The following SORCS1 variants were observed in gnomAD, a reference collection of about 807,000 sequenced individuals.
SORCS1 encodes VPS10 domain-containing receptor SorCS1.
SORCS1 carries 60 observed loss-of-function variants against 146.1 expected under a neutral mutation model. That is an observed-to-expected ratio of 0.41 (90% confidence interval 0.33 to 0.51). SORCS1 has a LOEUF of 0.51. Among genes scored for constraint, SORCS1 ranks in the 20% least tolerant of loss-of-function variants. SORCS1 has a pLI of 0.21. For missense variants in SORCS1, 1,352 were observed against 1,487.6 expected (o/e 0.91, Z 1.50); for synonymous variants, 637 against 584.0 (o/e 1.09, Z -1.31).
chr10:106,577,621 T>C, intron 25 of SORCS1, 66 bp from the exon 26 acceptor site: 1 of 1,596,996 alleles, frequency 6.3e-7, no homozygotes, highest in Non-Finnish European at 8.5e-7. Context: ...TCAGAGACTT[T>C]GCAATGTGCT....
intron 1 of SORCS1, among the ~76,000 whole-genome samples, chr10:107,035,542 A>G (rs1312936285): frequency 6.6e-6 from 1 of 152,196 alleles, no homozygotes; most frequent in Non-Finnish European, 1.5e-5. Flanking sequence ...TGAATCAGAG[A>G]ACTATGTATA....
intron 1 of SORCS1, among the ~76,000 whole-genome samples, chr10:107,116,099 C>G (rs1966020950): frequency 6.6e-6 from 1 of 151,440 alleles, no homozygotes; most frequent in South Asian, 2.1e-4. Flanking sequence ...TGGCCATTAT[C>G]AAAAAGACAA....
In SORCS1 at chr10:106,577,330, C is replaced by G; in HGVS notation, c.*90G>C. 6.2e-7 allele frequency: 1 copy of G among 1,609,736 alleles called. No homozygotes were observed. The highest frequency in any genetic ancestry group is 8.5e-7 in the Non-Finnish European group (1 of 1,178,262). ...AACAACAAAGGAAAGAAAAAAAACA[C>G]AAAGTTAGTGGTCATGAAGGATGAT... On this transcript the variant is annotated 3_prime_UTR_variant, in exon 26 of 26. Coordinates refer to ENST00000263054, the MANE Select transcript of SORCS1 (RefSeq NM_052918.5).
intron 1 of SORCS1, among the ~76,000 whole-genome samples, chr10:107,142,408 A>G (rs1967926026): frequency 6.6e-6 from 1 of 152,184 alleles, no homozygotes; most frequent in Non-Finnish European, 1.5e-5. Context: ...AATGTTTTAA[A>G]TCCTCTTCGT....
intron 1 of SORCS1, among the ~76,000 whole-genome samples, chr10:107,106,198 T>A (rs926169121): frequency 6.6e-6 from 1 of 152,188 alleles, no homozygotes; most frequent in Admixed American, 6.5e-5. Context: ...TGAGACTCAC[T>A]CTTAAGAGTG....
rs12242718 is a variant in SORCS1, at chr10:106,854,580, C to A, written c.627-24907G>T. ...TGTGATTTTAATTGAGCATTTTATACGAATTTATTTTCTCTCCTTTCTTAG... is the reference window on the plus strand; with the variant it reads ...TGTGATTTTAATTGAGCATTTTATAAGAATTTATTTTCTCTCCTTTCTTAG... On this transcript the variant is annotated intron_variant, in intron 2 of 25. Transcript: ENST00000263054. Among the ~76,000 whole-genome samples the A allele has an allele frequency of 1.0e-3, 156 of 151,454 alleles. 1 individual carries two copies. The highest frequency in any genetic ancestry group is 3.4e-3 in the Middle Eastern group (1 of 294).
At chr10:106,620,210 A>G in intron 20 of SORCS1, 1 of 474,672 alleles carries the variant, frequency 2.1e-6, no homozygotes, top group South Asian at 4.1e-5. Flanking sequence ...GTAAACATAG[A>G]GGAAGGCAGA....
intron 24 of SORCS1, among the ~76,000 whole-genome samples, chr10:106,587,694 A>G (rs912656415): frequency 8.5e-5 from 13 of 152,254 alleles, no homozygotes; most frequent in Non-Finnish European, 1.5e-4. Context: ...AGCAGCAGCC[A>G]TAGAGGCCAA....
chr10:106,972,786 C>T (rs1251957966), intron 1 of SORCS1, among the ~76,000 whole-genome samples: 1 of 152,150 alleles, frequency 6.6e-6, no homozygotes, highest in Non-Finnish European at 1.5e-5. Flanking sequence ...CAGGTAGGGA[C>T]CTTTTCAATC....
intron 1 of SORCS1, among the ~76,000 whole-genome samples, chr10:107,027,898 C>T (rs913146507): frequency 6.6e-6 from 1 of 152,170 alleles, no homozygotes; most frequent in Non-Finnish European, 1.5e-5. Flanking sequence ...ATGTGAACAC[C>T]TTGATGGGAA....
intron 1 of SORCS1, among the ~76,000 whole-genome samples, chr10:107,137,097 C>A (rs1156300318): frequency 6.6e-6 from 1 of 152,170 alleles, no homozygotes; most frequent in Non-Finnish European, 1.5e-5. Context: ...CTCTTGGTTC[C>A]CATAAGGGTA....
intron 1 of SORCS1, among the ~76,000 whole-genome samples, chr10:106,986,398 C>G (rs1215990435): frequency 6.6e-6 from 1 of 152,000 alleles, no homozygotes; most frequent in Non-Finnish European, 1.5e-5. Flanking sequence ...ATAAAGGAAA[C>G]CATACTTAGC....
chr10:106,588,586 G>T (rs574634111), intron 24 of SORCS1, among the ~76,000 whole-genome samples: 6 of 152,176 alleles, frequency 3.9e-5, no homozygotes, highest in African/African-American at 1.4e-4. Flanking sequence ...CTGGGGCCGG[G>T]CGCGGTGGCT....
At chr10:106,584,688 CATT>C (rs536534648) in intron 24 of SORCS1, among the ~76,000 whole-genome samples, 136 of 152,292 alleles carry the variant, frequency 8.9e-4, no homozygotes, top group African/African-American at 3.1e-3. Context: ...ATTAATGAAT[CATT>C]GTTTGCCCAA....
chr10:106,824,207 G>T (rs1349340743), intron 3 of SORCS1, among the ~76,000 whole-genome samples: 1 of 151,856 alleles, frequency 6.6e-6, no homozygotes, highest in African/African-American at 2.4e-5. Context: ...AGGAGGCTGA[G>T]GCAGAAGGAT....
chr10:106,797,560 G>T (rs1359877891), intron 3 of SORCS1, among the ~76,000 whole-genome samples: 2 of 151,728 alleles, frequency 1.3e-5, no homozygotes, highest in Non-Finnish European at 2.9e-5. Context: ...AAAAACAGAG[G>T]GTAGAAACAA....
chr10:106,757,470 A>C lies in SORCS1; in HGVS notation c.959+4118T>G, dbSNP rs753571789. Reference sequence around the variant, plus strand: ...TAATTTGAAGTAACTGGTTTCCAGAAGTGAGTCTAATAAATATTGCTTTGA... The same window carrying C: ...TAATTTGAAGTAACTGGTTTCCAGACGTGAGTCTAATAAATATTGCTTTGA... On this transcript the variant is annotated intron_variant, in intron 5 of 25. Transcript: ENST00000263054. Among the ~76,000 whole-genome samples the C allele has an allele frequency of 3.0e-4, 46 of 152,214 alleles. 1 individual carries two copies. Among genetic ancestry groups the C allele is most frequent in the Non-Finnish European group, 6.6e-4 (45 of 68,034 alleles).
At chr10:106,586,387 G>A (rs1165343770) in intron 24 of SORCS1, among the ~76,000 whole-genome samples, 2 of 151,938 alleles carry the variant, frequency 1.3e-5, no homozygotes, top group Non-Finnish European at 1.5e-5. Context: ...TATTTTATAT[G>A]TGTTATCCTT....
intron 1 of SORCS1, among the ~76,000 whole-genome samples, chr10:107,050,580 G>A (rs1396238173): frequency 2.0e-5 from 3 of 152,076 alleles, no homozygotes; most frequent in African/African-American, 7.2e-5. Context: ...TGGCTTTAGT[G>A]GCACCTCTCC....
Sources: allele counts gnomAD v4.1 joint callset (sites outside exome capture counted in the v4.1 genomes callset), GRCh38; gene constraint gnomAD v4.1.1; transcripts MANE v1.5; gene names NCBI Gene and HGNC (gene_info 2026-07-23, HGNC 2026-07-21).